NRP2: variants seen among roughly 807,000 people sequenced by gnomAD.
NRP2 encodes neuropilin 2.
NRP2 carries 52 observed loss-of-function variants against 110.4 expected under a neutral mutation model. That is an observed-to-expected ratio of 0.47 (90% CI 0.38 to 0.59). The LOEUF (loss-of-function observed/expected upper bound fraction) is 0.59. Ranked by LOEUF, NRP2 falls within the 20% of genes least tolerant of loss-of-function variation. The pLI, the probability that NRP2 is intolerant of heterozygous loss-of-function variation, is 0.00. For missense variants in NRP2, 1,049 were observed against 1,203.0 expected (o/e 0.87, Z 1.89); for synonymous variants, 508 against 468.9 (o/e 1.08, Z -1.08).
chr2:205,700,572 C>T, intron 2 of NRP2: 1 of 362,176 alleles, frequency 2.8e-6, no homozygotes. Flanking sequence ...AGAATTTATC[C>T]TGGGCTGTGG....
chr2:205,734,172 A>T (rs896788206), intron 7 of NRP2, among the ~76,000 whole-genome samples: 22 of 74,178 alleles, frequency 3.0e-4, no homozygotes, highest in African/African-American at 1.0e-3. Flanking sequence ...CTCTGTGTTT[A>T]TATATATATA....
At chr2:205,727,373 C>T (rs1292242855) in intron 6 of NRP2, among the ~76,000 whole-genome samples, 1 of 152,236 alleles carries the variant, frequency 6.6e-6, no homozygotes, top group East Asian at 1.9e-4. Context: ...CTTGGGCAGA[C>T]TCTACATGCC....
intron 15 of NRP2, among the ~76,000 whole-genome samples, chr2:205,775,916 G>A (rs13027631): frequency 0.24 from 36,118 of 152,130 alleles, 5,307 homozygotes; most frequent in African/African-American, 0.42. Context: ...AACAGAAAGA[G>A]AAGAGATGTG....
chr2:205,706,494 C>T (rs527267404), intron 2 of NRP2, among the ~76,000 whole-genome samples: 2 of 152,190 alleles, frequency 1.3e-5, no homozygotes, highest in African/African-American at 4.8e-5. Flanking sequence ...TAGGAGGTTT[C>T]GTCCCCACCC....
chr2:205,730,912 C>T (rs1009600548), intron 7 of NRP2, among the ~76,000 whole-genome samples: 1 of 152,214 alleles, frequency 6.6e-6, no homozygotes, highest in African/African-American at 2.4e-5. Context: ...CTTTTCCAGC[C>T]TCCCCTAGCC....
chr2:205,751,572 G>A (rs564490483), intron 11 of NRP2, among the ~76,000 whole-genome samples: 2 of 152,220 alleles, frequency 1.3e-5, no homozygotes, highest in South Asian at 2.1e-4. Flanking sequence ...TTTGGCCAAG[G>A]GTGGGCAAAC....
At chr2:205,745,249 A>AG (rs1241917252) in intron 9 of NRP2, among the ~76,000 whole-genome samples, 1 of 152,218 alleles carries the variant, frequency 6.6e-6, no homozygotes, top group Non-Finnish European at 1.5e-5. Context: ...TCATTGGCCT[A>AG]GGGGTCATTT....
chr2:205,735,340 T>A (rs1288447920), intron 7 of NRP2, among the ~76,000 whole-genome samples: 1 of 151,560 alleles, frequency 6.6e-6, no homozygotes, highest in Admixed American at 6.6e-5. Context: ...TAAGGAGGGG[T>A]CAGCAAAGAA....
chr2:205,766,889 A>G, intron 15 of NRP2, 86 bp downstream of exon 15: 1 of 1,267,258 alleles, frequency 7.9e-7, no homozygotes, highest in Non-Finnish European at 1.1e-6. Flanking sequence ...GGGGGAATCA[A>G]CCTCCAAATT....
intron 14 of NRP2, 70 bp downstream of exon 14, chr2:205,765,640 G>C: frequency 7.6e-7 from 1 of 1,321,536 alleles, no homozygotes; most frequent in Non-Finnish European, 1.1e-6. Flanking sequence ...GCAAGAGGAG[G>C]CAGGACACCA....
Position 205,797,232 on chromosome 2 carries a change from C to G in NRP2, c.*2174C>G, listed in dbSNP as rs747689745. On this transcript the variant is annotated 3_prime_UTR_variant, in exon 17 of 17. Transcript: ENST00000357785. ...CAAGGGCTTAGCTTTAGGGCTCCTCCTGAGTTCGGCCCACAGTAGAAGCAA... is the reference window on the plus strand; with the variant it reads ...CAAGGGCTTAGCTTTAGGGCTCCTCGTGAGTTCGGCCCACAGTAGAAGCAA... 6.5e-6 allele frequency: 1 copy of G among 152,692 alleles called. No individual in the cohort carries two copies. Among genetic ancestry groups the G allele is most frequent in the African/African-American group, 2.4e-5 (1 of 41,462 alleles). 9.5% of individuals were successfully genotyped at this position (152,692 alleles called of 1,614,324 possible). A position where few individuals can be genotyped will look rare whatever the true frequency, so the allele number is the denominator to read the frequency against.
intron 10 of NRP2, among the ~76,000 whole-genome samples, chr2:205,747,064 A>G (rs558086480): frequency 4.0e-4 from 61 of 152,294 alleles, no homozygotes; most frequent in Admixed American, 7.8e-4. Flanking sequence ...TCCCCCCGAT[A>G]CAAGCTGGCT....
intron 15 of NRP2, chr2:205,776,544 G>A: frequency 6.2e-7 from 1 of 1,601,744 alleles, no homozygotes; most frequent in Non-Finnish European, 8.5e-7. Context: ...AGCAAGAACA[G>A]CACCCAAAAC....
intron 15 of NRP2, among the ~76,000 whole-genome samples, chr2:205,772,493 A>T (rs2058037617): frequency 6.6e-6 from 1 of 152,214 alleles, no homozygotes; most frequent in Non-Finnish European, 1.5e-5. Flanking sequence ...GAGTTCAGTT[A>T]TTGACTATTT....
Position 205,716,392 on chromosome 2 carries a change from T to G in NRP2, c.433+18T>G. On this transcript the variant is annotated intron_variant, in intron 3 of 16. Coordinates refer to ENST00000357785, the MANE Select transcript of NRP2 (RefSeq NM_003872.3). ...CAAGACAGGTCAGTGTGGTCACACGTAGGGGCCGGGAGATGGGCGTCTTAG... is the reference window on the plus strand; with the variant it reads ...CAAGACAGGTCAGTGTGGTCACACGGAGGGGCCGGGAGATGGGCGTCTTAG... 6.2e-7 allele frequency: 1 copy of G among 1,611,514 alleles called. No homozygotes were observed. The highest frequency in any genetic ancestry group is 8.5e-7 in the Non-Finnish European group (1 of 1,179,628).
intron 2 of NRP2, among the ~76,000 whole-genome samples, chr2:205,698,083 A>C (rs1400184615): frequency 1.3e-5 from 2 of 152,106 alleles, no homozygotes; most frequent in Admixed American, 6.5e-5. Flanking sequence ...CAGCTGCTAC[A>C]TGTATAAACC....
At chr2:205,780,858 T>G (rs2058166086) in intron 15 of NRP2, among the ~76,000 whole-genome samples, 1 of 152,242 alleles carries the variant, frequency 6.6e-6, no homozygotes, top group Admixed American at 6.5e-5. Context: ...GATGGTTCAG[T>G]ATAGATGTCA....
intron 8 of NRP2, among the ~76,000 whole-genome samples, chr2:205,741,335 G>A (rs904736760): frequency 6.6e-6 from 1 of 152,216 alleles, no homozygotes. Context: ...GATGATTGAG[G>A]TGAGGTTAGA....
chr2:205,692,767 CT>C (rs1312916934), intron 1 of NRP2, among the ~76,000 whole-genome samples: 1 of 152,188 alleles, frequency 6.6e-6, no homozygotes, highest in African/African-American at 2.4e-5. Flanking sequence ...GAGTAAATGT[CT>C]TATTGTCTAG....
Sources: gnomAD v4.1 joint callset for allele counts (sites outside exome capture counted in the v4.1 genomes callset) on GRCh38, gnomAD v4.1.1 for gene constraint, MANE v1.5 for transcripts, NCBI Gene and HGNC (gene_info 2026-07-23, HGNC 2026-07-21) for gene names.